Variants in INO80D observed in about 807,000 individuals in gnomAD.
INO80D encodes the protein INO80 complex subunit D.
In INO80D, 21 loss-of-function variants were observed where a neutral mutation model predicts 87.6. The observed-to-expected ratio is 0.24, with a 90% confidence interval of 0.17 to 0.35. The LOEUF is 0.35. Ranked by LOEUF, INO80D falls within the 10% of genes least tolerant of loss-of-function variation. The probability of loss-of-function intolerance (pLI) is 1.00; values close to 1 mark genes in which losing one functional copy is unlikely to be tolerated. For missense variants in INO80D, 982 were observed against 1,280.7 expected, an observed-to-expected ratio of 0.77 and a Z score of 3.56; for synonymous variants, 440 against 491.0, an observed-to-expected ratio of 0.90 and a Z score of 1.37.
intron 4 of INO80D, among the ~76,000 whole-genome samples, 156 bp from the exon 5 acceptor site, chr2:206,046,768 T>C (rs1280364095): frequency 3.3e-5 from 5 of 152,234 alleles, no homozygotes; most frequent in Non-Finnish European, 5.9e-5. Flanking sequence ...TTTCTATTCT[T>C]ACAAAGATAA....
chr2:206,012,867 C>G (rs1343176256), intron 8 of INO80D, among the ~76,000 whole-genome samples: 9 of 85,734 alleles, frequency 1.0e-4, no homozygotes, highest in Non-Finnish European at 2.0e-4. Context: ...AGACTTGTCT[C>G]AAAAAAAAAA....
At chr2:206,022,642 T>C (rs555731183) in intron 6 of INO80D, among the ~76,000 whole-genome samples, 2 of 152,314 alleles carry the variant, frequency 1.3e-5, no homozygotes, top group South Asian at 2.1e-4. Context: ...AATGGCTTAT[T>C]CCACTTACTC....
intron 1 of INO80D, among the ~76,000 whole-genome samples, chr2:206,069,476 T>C (rs986298931): frequency 1.3e-5 from 2 of 152,216 alleles, no homozygotes; most frequent in Non-Finnish European, 2.9e-5. Flanking sequence ...CCAAGTGTGG[T>C]GGCTCATGCC....
chr2:206,027,177 CAG>C (rs917586052), intron 6 of INO80D, among the ~76,000 whole-genome samples: 4 of 149,362 alleles, frequency 2.7e-5, no homozygotes, highest in Non-Finnish European at 4.5e-5. Context: ...CACACACACA[CAG>C]AGAAAGACTA....
At position 206,076,480 on chromosome 2, in the gene INO80D, A is replaced by T. The variant is rs773589369; in HGVS notation, c.-124+9421T>A. Among the ~76,000 whole-genome samples, 127 of 152,366 alleles carry T rather than the reference A, an allele frequency of 8.3e-4. 1 individual carries two copies. The highest frequency in any genetic ancestry group is 1.2e-3 in the Non-Finnish European group (84 of 68,034). On this transcript the variant is annotated intron_variant, in intron 1 of 10. Coordinates refer to ENST00000403263, the MANE Select transcript of INO80D (RefSeq NM_017759.5). ...CATCTATATTACCTATGTAAAAAAT[A>T]GTAAAATCAGACTGAGGAATGATGA...
rs1209296001 is a variant in INO80D, at chr2:205,993,825, TCA to T, written c.*10541_*10542del. The T allele has an allele frequency of 2.6e-5, 4 of 152,232 alleles. No individual in the cohort carries two copies. Among genetic ancestry groups the T allele is most frequent in the Non-Finnish European group, 5.9e-5 (4 of 68,046 alleles). 9.4% of individuals were successfully genotyped at this position (152,232 alleles called of 1,614,324 possible). A position where few individuals can be genotyped will look rare whatever the true frequency, so the allele number is the denominator to read the frequency against. ...TACAGTGTTTCATACACATATTACA[TCA>T]GTTTTTACACAAGAAAAATATACAT... On this transcript the variant is annotated 3_prime_UTR_variant, in exon 11 of 11. Coordinates refer to ENST00000403263, the MANE Select transcript of INO80D (RefSeq NM_017759.5).
chr2:206,048,457 T>C (rs1267874968), intron 4 of INO80D, among the ~76,000 whole-genome samples: 1 of 151,952 alleles, frequency 6.6e-6, no homozygotes, highest in African/African-American at 2.4e-5. Flanking sequence ...GCTCTCGAAC[T>C]CCTGAGCTCA....
At chr2:206,055,469 T>C (rs818008) in intron 4 of INO80D, among the ~76,000 whole-genome samples, 5,258 of 152,242 alleles carry the variant, frequency 0.035, 109 homozygotes, top group Middle Eastern at 0.078. Context: ...CAGGAAAAAA[T>C]GTTTTAAAAC....
At chr2:206,028,790 A>C (rs1160716862) in intron 5 of INO80D, among the ~76,000 whole-genome samples, 1 of 152,240 alleles carries the variant, frequency 6.6e-6, no homozygotes, top group Non-Finnish European at 1.5e-5. Flanking sequence ...CTGCCCTTTT[A>C]ACCATTCTGG....
rs537966819 is a variant in INO80D, at chr2:205,996,919, A to C, written c.*7449T>G. The C allele has an allele frequency of 6.7e-6, 1 of 150,226 alleles. No homozygotes were observed. Among genetic ancestry groups the C allele is most frequent in the Admixed American group, 6.9e-5 (1 of 14,470 alleles). The allele number at this position is 150,226 out of a possible 1,614,324, so 9.3% of individuals were successfully genotyped here. ...TGTACAAGAAATATGCAGATCTAAA[A>C]AAAAATCCCAAAACAAGAGTGAATG... On this transcript the variant is annotated 3_prime_UTR_variant, in exon 11 of 11. Transcript: ENST00000403263.
Position 205,996,609 on chromosome 2 carries a change from T to C in INO80D, c.*7759A>G, listed in dbSNP as rs560104771. 42 of 152,236 alleles carry C rather than the reference T, an allele frequency of 2.8e-4. No homozygotes were observed. The highest frequency in any genetic ancestry group is 9.4e-4 in the African/African-American group (39 of 41,564). The allele number at this position is 152,236 out of a possible 1,614,324, so 9.4% of individuals were successfully genotyped here. On this transcript the variant is annotated 3_prime_UTR_variant, in exon 11 of 11. Coordinates refer to ENST00000403263, the MANE Select transcript of INO80D (RefSeq NM_017759.5). ...TACACACACATTTTTAAGGGAAATA[T>C]ATGTATATAGCTTTATCTATACACA...
At position 206,003,960 on chromosome 2, in the gene INO80D, T is replaced by TG; in HGVS notation, c.*407_*408insC. ...GCTGTCTCTTATACAGGAACTCAAT[T>TG]AATAAGATCATTCTATCTAGAACCA... On this transcript the variant is annotated 3_prime_UTR_variant, in exon 11 of 11. Coordinates refer to ENST00000403263, the MANE Select transcript of INO80D (RefSeq NM_017759.5). 5.0e-6 allele frequency: 1 copy of TG among 198,142 alleles called. No homozygotes were observed. Among genetic ancestry groups the TG allele is most frequent in the Non-Finnish European group, 1.1e-5 (1 of 94,388 alleles). 12.3% of individuals were successfully genotyped at this position (198,142 alleles called of 1,614,324 possible).
In INO80D at chr2:206,007,441, C is replaced by T. The variant is rs1223962889; in HGVS notation, c.1761G>A (p.Arg587=). The T allele has an allele frequency of 6.2e-7, 1 of 1,607,154 alleles. No homozygotes were observed. The highest frequency in any genetic ancestry group is 8.5e-7 in the Non-Finnish European group (1 of 1,177,240). The part of the protein sequence containing the change: ...VSLPVEASHI[R]SPSTPELSAD... ...CACTCAGCTCTGGCGTGGATGGGCT[C>T]CTGGGAAAGAGGACACTGTTGGTCC... Residue 587 remains arginine (R), a splice_region_variant and synonymous_variant, in exon 10 of 11, where the codon CGG becomes CGA. Coordinates refer to ENST00000403263, the MANE Select transcript of INO80D (RefSeq NM_017759.5).
At chr2:206,008,441 C>T (rs957223627) in intron 9 of INO80D, among the ~76,000 whole-genome samples, 16 of 151,066 alleles carry the variant, frequency 1.1e-4, no homozygotes, top group Admixed American at 1.3e-4. Context: ...CCACCACACC[C>T]GGCTAATTTT....
Position 206,056,519 on chromosome 2 carries a change from A to G in INO80D, c.643T>C (p.Leu215=), listed in dbSNP as rs374602492. 2 of 1,613,282 alleles carry G rather than the reference A, an allele frequency of 1.2e-6. No homozygotes were observed. Among genetic ancestry groups the G allele is most frequent in the African/African-American group, 2.7e-5 (2 of 74,884 alleles). ...PPQQHSHLSP[L]STSLKPPAPP... Reference sequence around the variant, plus strand: ...GCTGGAGGTTTTAAAGAAGTAGATAAAGGTGACAGGTGGGAGTGCTGCTGC... The same window carrying G: ...GCTGGAGGTTTTAAAGAAGTAGATAGAGGTGACAGGTGGGAGTGCTGCTGC... The change falls in exon 4 of 11, where the codon TTA becomes CTA. Residue 215 remains leucine (L), a synonymous_variant. Coordinates refer to ENST00000403263, the MANE Select transcript of INO80D (RefSeq NM_017759.5).
chr2:206,004,955 C>T lies in INO80D; in HGVS notation c.2497G>A (p.Glu833Lys), dbSNP rs1308816505. 1.9e-6 allele frequency: 3 copies of T among 1,613,850 alleles called. No individual in the cohort carries two copies. Among genetic ancestry groups the T allele is most frequent in the Non-Finnish European group, 2.5e-6 (3 of 1,179,892 alleles). The change falls in exon 11 of 11, where the codon GAG becomes AAG. Residue 833 changes from glutamate (E) to lysine (K), a missense_variant. Coordinates refer to ENST00000403263, the MANE Select transcript of INO80D (RefSeq NM_017759.5). This position sits in a 1 kb window ranked among gnomAD's most constrained non-coding sequence, Gnocchi z 4.9. ...TCACTGTAGGGAGACGGCACATGCTCACTATCATAATGGCTTCCATGGGGT... is the reference window on the plus strand; with the variant it reads ...TCACTGTAGGGAGACGGCACATGCTTACTATCATAATGGCTTCCATGGGGT... ...SSPHGSHYDS[E>K]HVPSPYSDHI...
chr2:206,034,829 G>A (rs528648633), intron 5 of INO80D, among the ~76,000 whole-genome samples: 3 of 152,124 alleles, frequency 2.0e-5, no homozygotes, highest in South Asian at 4.2e-4. Flanking sequence ...TGATCTGATC[G>A]TTTACCCTTG....
intron 6 of INO80D, among the ~76,000 whole-genome samples, chr2:206,026,829 C>T (rs1200917411): frequency 6.6e-6 from 1 of 151,852 alleles, no homozygotes; most frequent in Admixed American, 6.6e-5. Flanking sequence ...TATCAGATAA[C>T]TCTACATTTC....
intron 6 of INO80D, among the ~76,000 whole-genome samples, chr2:206,023,226 G>T (rs953577723): frequency 1.3e-5 from 2 of 151,630 alleles, no homozygotes; most frequent in East Asian, 1.9e-4. Flanking sequence ...TTAATAAAGG[G>T]TCCACATTAG....
Sources: gnomAD v4.1 joint callset for allele counts (sites outside exome capture counted in the v4.1 genomes callset) on GRCh38, gnomAD v4.1.1 for gene constraint, Gnocchi (gnomAD v3.1) non-coding constraint, MANE v1.5 for transcripts, NCBI Gene and HGNC (gene_info 2026-07-23, HGNC 2026-07-21) for gene names.